CCDC17: variants seen among roughly 807,000 people sequenced by gnomAD.
The protein encoded by CCDC17 is coiled-coil domain-containing protein 17.
Under a neutral mutation model 68.0 loss-of-function variants are expected in CCDC17, and 79 were observed. That is an observed-to-expected ratio of 1.16 (90% CI 0.97 to 1.40). The LOEUF (loss-of-function observed/expected upper bound fraction) is 1.40. CCDC17 is among the 40% of genes most tolerant of loss of function. CCDC17 has a pLI of 0.00. For missense variants in CCDC17, 846 were observed against 811.5 expected (o/e 1.04, Z -0.52); for synonymous variants, 376 against 337.5 (o/e 1.11, Z -1.25).
rs1205616372 is a variant in CCDC17, at chr1:45,622,223, G to T, written c.967+18C>A. On this transcript the variant is annotated intron_variant, in intron 7 of 12. Transcript: ENST00000528266. ...GGAGAGATAAGTGGGATGGGATAGG[G>T]TTGGGGTGCTCACTGACCCAAGGGT... 4 of 1,603,336 alleles carry T rather than the reference G, an allele frequency of 2.5e-6. No individual in the cohort carries two copies. The Admixed American group carries it at 6.8e-5, about 27-fold the overall frequency.
rs752114144 is a variant in CCDC17 at position 45,622,002 on chromosome 1, G to C, written c.968-7C>G. The C allele has an allele frequency of 8.1e-6, 13 of 1,598,202 alleles. No individual in the cohort carries two copies. The highest frequency in any genetic ancestry group is 3.4e-5 in the South Asian group (3 of 88,534). The stretch of plus-strand genomic sequence containing the variant: ...AGTCGCAGATCCTGGGGCCCTAGGA[G>C]CAGAAGAGTTAGGGTGCCCCTAAGT... On this transcript the variant is annotated splice_region_variant and splice_polypyrimidine_tract_variant and intron_variant, in intron 7 of 12. Coordinates refer to ENST00000528266, the MANE Select transcript of CCDC17 (RefSeq NM_001114938.3).
At chr1:45,621,517 C>A (rs1644254924) in intron 9 of CCDC17, 33 bp from the exon 10 acceptor site, 2 of 1,571,006 alleles carry the variant, frequency 1.3e-6, no homozygotes, top group Non-Finnish European at 1.7e-6. Context: ...CAGAAATACC[C>A]AACTCCTTTC....
Position 45,620,335 on chromosome 1 carries a change from C to A in CCDC17, c.1809G>T (p.Lys603Asn). ...GAGGGCCCAAACCCTCATCTCTATC[C>A]TTGACTCCACTGAGGGGCTCTTCTG... ...PRTEEPLSGV[K>N]DRDEGLGPHH... The change falls in exon 13 of 13, where the codon AAG (lysine) becomes AAT (asparagine). Residue 603 changes from lysine to asparagine, a missense_variant. Coordinates refer to ENST00000528266, the MANE Select transcript of CCDC17 (RefSeq NM_001114938.3). The A allele has an allele frequency of 6.2e-7, 1 of 1,609,056 alleles. No homozygotes were observed. Among genetic ancestry groups the A allele is most frequent in the South Asian group, 1.1e-5 (1 of 89,860 alleles).
rs753351597 is a variant in CCDC17, at chr1:45,621,936, G to A, written c.1027C>T (p.Pro343Ser). 4 of 1,610,910 alleles carry A rather than the reference G, an allele frequency of 2.5e-6. No individual in the cohort carries two copies. Among genetic ancestry groups the A allele is most frequent in the Admixed American group, 3.4e-5 (2 of 59,458 alleles). The change falls in exon 8 of 13, where the codon CCC becomes TCC. Residue 343 changes from proline to serine, a missense_variant. Pro to Ser is a moderately conservative substitution (Grantham distance 74). Transcript: ENST00000528266. The part of the protein sequence containing the change: ...ASLQPKGRRD[P>S]PLLPPPVAPP... ...GCCACCGGTGGCGGGAGGAGTGGGG[G>A]ATCTCTCCTCCCCTTCGGTTGTAGG...
intron 9 of CCDC17, 29 bp downstream of exon 9, chr1:45,621,609 G>GAGGC (rs746172322): frequency 1.5e-4 from 247 of 1,609,662 alleles, no homozygotes; most frequent in Non-Finnish European, 1.9e-4. Flanking sequence ...CCAAGTCACA[G>GAGGC]AGGCTGTCGA....
In CCDC17 at chr1:45,622,841, T is replaced by A. The variant is rs376754421; in HGVS notation, c.657-7A>T. On this transcript the variant is annotated splice_region_variant and splice_polypyrimidine_tract_variant and intron_variant, in intron 4 of 12. Coordinates refer to ENST00000528266, the MANE Select transcript of CCDC17 (RefSeq NM_001114938.3). Reference sequence around the variant, plus strand: ...CCGGGAGCTCAGCGGGTTCCTGGGGTGGCAGGCGACGCGCAGGGAGACGGT... The same window carrying A: ...CCGGGAGCTCAGCGGGTTCCTGGGGAGGCAGGCGACGCGCAGGGAGACGGT... The A allele has an allele frequency of 5.6e-6, 9 of 1,593,672 alleles. No homozygotes were observed. Among genetic ancestry groups the A allele is most frequent in the Non-Finnish European group, 7.7e-6 (9 of 1,170,218 alleles).
intron 6 of CCDC17, 75 bp downstream of exon 6, chr1:45,622,474 C>T (rs1462225039): frequency 4.7e-6 from 7 of 1,487,630 alleles, no homozygotes; most frequent in African/African-American, 2.8e-5. Context: ...ATGCCATCCA[C>T]AGCCACAGGC....
In CCDC17 at chr1:45,620,212, A is replaced by G; in HGVS notation, c.*63T>C. 6.6e-7 allele frequency: 1 copy of G among 1,523,838 alleles called. No homozygotes were observed. Among genetic ancestry groups the G allele is most frequent in the Non-Finnish European group, 8.8e-7 (1 of 1,136,492 alleles). 94.4% of individuals were successfully genotyped at this position (1,523,838 alleles called of 1,614,324 possible). ...TCAGAACATGGAGTAGTAAACCTGTAGGTCTGGAAATAGGCCCCAGTCCTG... is the reference window on the plus strand; with the variant it reads ...TCAGAACATGGAGTAGTAAACCTGTGGGTCTGGAAATAGGCCCCAGTCCTG... On this transcript the variant is annotated 3_prime_UTR_variant, in exon 13 of 13. Coordinates refer to ENST00000528266, the MANE Select transcript of CCDC17 (RefSeq NM_001114938.3).
chr1:45,622,742 G>A lies in CCDC17; in HGVS notation c.740+9C>T, dbSNP rs1287537694. Reference sequence around the variant, plus strand: ...TCGCCCTATGCCCATCTCCGGCCCCGGCTCTCACCGGATTTCGGCAGCCAG... The same window carrying A: ...TCGCCCTATGCCCATCTCCGGCCCCAGCTCTCACCGGATTTCGGCAGCCAG... On this transcript the variant is annotated intron_variant, in intron 5 of 12. Transcript: ENST00000528266. 2 of 1,583,036 alleles carry A rather than the reference G, an allele frequency of 1.3e-6. No individual in the cohort carries two copies. The highest frequency in any genetic ancestry group is 1.7e-6 in the Non-Finnish European group (2 of 1,164,304).
rs762457232 is a variant in CCDC17 at position 45,621,769 on chromosome 1, C to CT, written c.1087-35dup. On this transcript the variant is annotated intron_variant, in intron 8 of 12. Coordinates refer to ENST00000528266, the MANE Select transcript of CCDC17 (RefSeq NM_001114938.3). The stretch of plus-strand genomic sequence containing the variant: ...AAGAGAGCTGACTCCTCCAGAAAGC[C>CT]TTGTAGCTGCTCATGTTCCCCCAAC... 6.2e-6 allele frequency: 10 copies of CT among 1,609,778 alleles called. No homozygotes were observed. The South Asian group carries it at 1.1e-4, about 18-fold the overall frequency.
Position 45,623,995 on chromosome 1 carries a change from T to C in CCDC17, c.-86A>G, listed in dbSNP as rs1644374183. The C allele has an allele frequency of 2.1e-6, 2 of 968,034 alleles. No homozygotes were observed. The highest frequency in any genetic ancestry group is 1.7e-5 in the African/African-American group (1 of 60,392). 60.0% of individuals were successfully genotyped at this position (968,034 alleles called of 1,614,324 possible). The stretch of plus-strand genomic sequence containing the variant: ...AAGGCAGAGGAGGATGAAAGAGACA[T>C]AAAGCCAGAGGCAGAGAGGAAAGGC... On this transcript the variant is annotated 5_prime_UTR_variant, in exon 1 of 13. An upstream start codon of the reference 5' UTR is lost. Coordinates refer to ENST00000528266, the MANE Select transcript of CCDC17 (RefSeq NM_001114938.3).
At position 45,623,550 on chromosome 1, in the gene CCDC17, GCT is replaced by G. The variant is rs1350922730; in HGVS notation, c.270+5_270+6del. Reference sequence around the variant, plus strand: ...TTTGAGCCCTGGGGGAAGGTAGGTAGCTCTACCTCCTCTGTTAACCTCTTTAG... The same window carrying G: ...TTTGAGCCCTGGGGGAAGGTAGGTAGCTACCTCCTCTGTTAACCTCTTTAG... On this transcript the variant is annotated splice_donor_5th_base_variant and intron_variant, in intron 2 of 12. Coordinates refer to ENST00000528266, the MANE Select transcript of CCDC17 (RefSeq NM_001114938.3). 1 of 1,548,578 alleles carries G rather than the reference GCT, an allele frequency of 6.5e-7. No homozygotes were observed. The highest frequency in any genetic ancestry group is 1.4e-5 in the African/African-American group (1 of 73,054).
intron 1 of CCDC17, 30 bp from the exon 2 acceptor site, chr1:45,623,682 T>C: frequency 6.4e-7 from 1 of 1,551,552 alleles, no homozygotes; most frequent in Middle Eastern, 1.7e-4. Context: ...GGATGAGGAA[T>C]CATAAAGGTC....
At position 45,621,944 on chromosome 1, in the gene CCDC17, C is replaced by T. The variant is rs755413567; in HGVS notation, c.1019G>A (p.Arg340Lys). ...LGDASLQPKG[R>K]RDPPLLPPPV... The stretch of plus-strand genomic sequence containing the variant: ...TGGCGGGAGGAGTGGGGGATCTCTC[C>T]TCCCCTTCGGTTGTAGGCTGGCATC... The change falls in exon 8 of 13, where the codon AGG becomes AAG. Residue 340 changes from arginine to lysine, a missense_variant. Physicochemically the swap from Arg to Lys is conservative, Grantham distance 26. Transcript: ENST00000528266. 5.6e-6 allele frequency: 9 copies of T among 1,611,170 alleles called. No individual in the cohort carries two copies. Among genetic ancestry groups the T allele is most frequent in the Non-Finnish European group, 7.6e-6 (9 of 1,179,044 alleles).
chr1:45,620,482 C>A, intron 12 of CCDC17, 49 bp from the exon 13 acceptor site: 1 of 1,492,272 alleles, frequency 6.7e-7, no homozygotes, highest in Non-Finnish European at 8.9e-7. Context: ...AAAGGTTAAG[C>A]ACACAGGTTT....
rs1557681020 is a variant in CCDC17, at chr1:45,623,128, G to A, written c.494-11C>T. 1 of 1,547,780 alleles carries A rather than the reference G, an allele frequency of 6.5e-7. No homozygotes were observed. Among genetic ancestry groups the A allele is most frequent in the East Asian group, 2.4e-5 (1 of 41,426 alleles). ...GGCGTCGGCTCAGTTCTGAGGGAATGCGGGCCGAGTCAGAACCGGCCCGAG... is the reference window on the plus strand; with the variant it reads ...GGCGTCGGCTCAGTTCTGAGGGAATACGGGCCGAGTCAGAACCGGCCCGAG... On this transcript the variant is annotated splice_polypyrimidine_tract_variant and intron_variant, in intron 3 of 12. Coordinates refer to ENST00000528266, the MANE Select transcript of CCDC17 (RefSeq NM_001114938.3).
chr1:45,620,736 T>C lies in CCDC17; in HGVS notation c.1697A>G (p.Gln566Arg). 1.2e-6 allele frequency: 2 copies of C among 1,605,198 alleles called. No homozygotes were observed. Among genetic ancestry groups the C allele is most frequent in the Non-Finnish European group, 1.7e-6 (2 of 1,175,832 alleles). ...EINPASVHEYQYPPPVSSTSS... is the reference protein window; with the variant it reads ...EINPASVHEYRYPPPVSSTSS... ...CTGGGCCCTCACCGGAGGTGGGTACTGGTACTCATGGACACTTGCTGGATT... is the reference window on the plus strand; with the variant it reads ...CTGGGCCCTCACCGGAGGTGGGTACCGGTACTCATGGACACTTGCTGGATT... The change falls in exon 12 of 13, where the codon CAG becomes CGG. Residue 566 changes from glutamine (Q) to arginine (R), a missense_variant. Transcript: ENST00000528266.
chr1:45,623,383 G>C lies in CCDC17; in HGVS notation c.327C>G (p.Pro109=). 6.4e-7 allele frequency: 1 copy of C among 1,550,684 alleles called. No homozygotes were observed. The highest frequency in any genetic ancestry group is 8.7e-7 in the Non-Finnish European group (1 of 1,147,002). The part of the protein sequence containing the change: ...QEMRPWITEV[P]RVFAGPWTRS... Reference sequence around the variant, plus strand: ...GTGTCCAGGGCCCCGCGAACACCCTGGGGACCTCTGTTATCCAGGGCCGCA... The same window carrying C: ...GTGTCCAGGGCCCCGCGAACACCCTCGGGACCTCTGTTATCCAGGGCCGCA... Residue 109 remains proline (P), a synonymous_variant, in exon 3 of 13, where the codon CCC becomes CCG. Transcript: ENST00000528266.
At chr1:45,621,157 T>C (rs544082338) in intron 10 of CCDC17, 44 bp from the exon 11 acceptor site, 4 of 1,595,542 alleles carry the variant, frequency 2.5e-6, no homozygotes, top group Non-Finnish European at 3.4e-6. Flanking sequence ...AGAGCTACAG[T>C]CCCTTTCTAG....
Sources: allele counts gnomAD v4.1 joint callset, GRCh38; gene constraint gnomAD v4.1.1; transcripts MANE v1.5; gene names NCBI Gene and HGNC (gene_info 2026-07-23, HGNC 2026-07-21).